Variants in CACTIN observed in about 807,000 individuals in gnomAD.
CACTIN encodes the protein cactin, spliceosome C complex subunit.
In CACTIN, 20 loss-of-function variants were observed where a neutral mutation model predicts 84.9. The ratio of observed to expected loss-of-function variants is 0.24; its 90% CI spans 0.17 to 0.34. The LOEUF is 0.34. CACTIN is among the 10% of genes least tolerant of loss of function. The pLI, the probability that CACTIN is intolerant of heterozygous loss-of-function variation, is 1.00. For missense variants in CACTIN, 897 were observed against 1,117.2 expected (o/e 0.80, Z 2.81); for synonymous variants, 549 against 467.9 (o/e 1.17, Z -2.24).
In CACTIN at chr19:3,620,038, G is replaced by A; in HGVS notation, c.884+89C>T. On this transcript the variant is annotated intron_variant, in intron 4 of 9. Transcript: ENST00000429344. The stretch of plus-strand genomic sequence containing the variant: ...GGAAGTGCCGTGTGGGACCCTGAAG[G>A]GTGGGAGAGCAGTGGCTTCCAGAGT... 2.0e-6 allele frequency: 3 copies of A among 1,490,886 alleles called. No individual in the cohort carries two copies. The Admixed American group carries it at 5.4e-5, about 27-fold the overall frequency. The allele number at this position is 1,490,886 out of a possible 1,614,324, so 92.4% of individuals were successfully genotyped here.
Position 3,613,179 on chromosome 19 carries a change from G to A in CACTIN, c.1665C>T (p.Asp555=), listed in dbSNP as rs550810513. The change falls in exon 9 of 10, where the codon GAC becomes GAT. Residue 555 remains aspartate, a synonymous_variant. Transcript: ENST00000429344. ...DLIQQSLDDY[D]AGRYSPRLLT... ...GCAGCCGCGGGCTGTACCTGCCGGC[G>A]TCGTAGTCGTCCAGGCTCTGCTGGA... 152 of 1,611,270 alleles carry A rather than the reference G, an allele frequency of 9.4e-5. 2 individuals are homozygous for A. In the South Asian group the frequency reaches 1.4e-3, roughly 15 times the overall value.
At position 3,611,672 on chromosome 19, in the gene CACTIN, G is replaced by A. The variant is rs1354590703; in HGVS notation, c.*251C>T. On this transcript the variant is annotated 3_prime_UTR_variant, in exon 10 of 10. Coordinates refer to ENST00000429344, the MANE Select transcript of CACTIN (RefSeq NM_001080543.2). The stretch of plus-strand genomic sequence containing the variant: ...CTCGTGCTCGAAAGATGCCCCTAGC[G>A]CCCCCTCCGTTGCATCAGGACCCTA... 2.8e-5 allele frequency: 15 copies of A among 543,748 alleles called. No homozygotes were observed. The highest frequency in any genetic ancestry group is 2.8e-4 in the Middle Eastern group (1 of 3,592). The allele number at this position is 543,748 out of a possible 1,614,324, so 33.7% of individuals were successfully genotyped here. A position where few individuals can be genotyped will look rare whatever the true frequency, so the allele number is the denominator to read the frequency against.
rs1166951018 is a variant in CACTIN, at chr19:3,620,025, T to G, written c.884+102A>C. 7.1e-6 allele frequency: 10 copies of G among 1,405,484 alleles called. No individual in the cohort carries two copies. The African/African-American group carries it at 9.9e-5, about 14-fold the overall frequency. 87.1% of individuals were successfully genotyped at this position (1,405,484 alleles called of 1,614,324 possible). A position where few individuals can be genotyped will look rare whatever the true frequency, so the allele number is the denominator to read the frequency against. ...AGGGAAGGTCCCAGGAAGTGCCGTG[T>G]GGGACCCTGAAGGGTGGGAGAGCAG... On this transcript the variant is annotated intron_variant, in intron 4 of 9. Transcript: ENST00000429344.
At chr19:3,624,265 T>C (rs1355635379) in intron 1 of CACTIN, 103 bp from the exon 2 acceptor site, 6 of 1,103,294 alleles carry the variant, frequency 5.4e-6, no homozygotes, top group Non-Finnish European at 7.8e-6. Flanking sequence ...TTCTAGGTTC[T>C]GGGGACACAG....
Position 3,614,581 on chromosome 19 carries a change from G to A in CACTIN, c.1171C>T (p.Arg391Cys), listed in dbSNP as rs1324607016. The A allele has an allele frequency of 1.2e-6, 2 of 1,601,516 alleles. No individual in the cohort carries two copies. Among genetic ancestry groups the A allele is most frequent in the Non-Finnish European group, 1.7e-6 (2 of 1,174,582 alleles). ...EASGKGPGER[R>C]EGVNASVSSD... Reference sequence around the variant, plus strand: ...CTGACGGAGGCGTTGACCCCCTCGCGGCGCTCACCTGCAGCGGGGTGGGGG... The same window carrying A: ...CTGACGGAGGCGTTGACCCCCTCGCAGCGCTCACCTGCAGCGGGGTGGGGG... The change falls in exon 7 of 10, where the codon CGC becomes TGC. Residue 391 changes from arginine to cysteine, a missense_variant. Arg to Cys is a radical substitution (Grantham distance 180). Coordinates refer to ENST00000429344, the MANE Select transcript of CACTIN (RefSeq NM_001080543.2).
At chr19:3,612,932 CG>C in intron 9 of CACTIN, 125 bp downstream of exon 9, 1 of 1,176,144 alleles carries the variant, frequency 8.5e-7, no homozygotes, top group Non-Finnish European at 1.2e-6. Context: ...CTCAGAGACC[CG>C]GGGGAGAAGC....
At chr19:3,622,048 C>T (rs1262852109) in intron 2 of CACTIN, among the ~76,000 whole-genome samples, 5 of 152,150 alleles carry the variant, frequency 3.3e-5, no homozygotes, top group Non-Finnish European at 4.4e-5. Context: ...TGAACCCCTG[C>T]AGCTGTAATC....
rs143887722 is a variant in CACTIN, at chr19:3,619,848, C to T, written c.884+279G>A. ...CCAGGCGGATGGGGGTGCCACCCTCCTGGGTGGAGTGTGGGAGGGACAACT... is the reference window on the plus strand; with the variant it reads ...CCAGGCGGATGGGGGTGCCACCCTCTTGGGTGGAGTGTGGGAGGGACAACT... On this transcript the variant is annotated intron_variant, in intron 4 of 9. Transcript: ENST00000429344. 1.9e-3 allele frequency among the ~76,000 whole-genome samples: 288 copies of T among 152,182 alleles called. 1 individual carries two copies. The highest frequency in any genetic ancestry group is 6.6e-3 in the African/African-American group (274 of 41,528).
Position 3,612,361 on chromosome 19 carries a change from G to T in CACTIN, c.1839C>A (p.Gly613=). Residue 613 remains glycine, a synonymous_variant, in exon 10 of 10, where the codon GGC becomes GGA. Coordinates refer to ENST00000429344, the MANE Select transcript of CACTIN (RefSeq NM_001080543.2). ...EDIFFRRAKE[G]MGQDEAQFSV... ...TGAACTGCGCCTCGTCCTGGCCCAT[G>T]CCCTCCTTGGCCCGCCGGAAGAAGA... The T allele has an allele frequency of 6.2e-7, 1 of 1,607,396 alleles. No homozygotes were observed.
intron 6 of CACTIN, chr19:3,614,953 C>G (rs1213200231): frequency 1.1e-5 from 4 of 372,898 alleles, no homozygotes; most frequent in African/African-American, 8.4e-5. Context: ...CCTGGCCCAA[C>G]TCTGCCCTGG....
At position 3,612,031 on chromosome 19, in the gene CACTIN, G is replaced by A; in HGVS notation, c.2169C>T (p.Ile723=). The change falls in exon 10 of 10, where the codon ATC becomes ATT. Residue 723 remains isoleucine (I), a synonymous_variant. Transcript: ENST00000429344. ...GCGAGTATTCCCACTCGCGGTTGAC[G>A]ATCTTGAAAGCGATGTCCTCGTAGG... ...GPPYEDIAFK[I]VNREWEYSHR... is the part of the protein sequence containing the mutation. The A allele has an allele frequency of 6.2e-7, 1 of 1,613,764 alleles. No individual in the cohort carries two copies. The highest frequency in any genetic ancestry group is 8.5e-7 in the Non-Finnish European group (1 of 1,179,904).
At chr19:3,624,895 G>A (rs1456096329) in intron 1 of CACTIN, among the ~76,000 whole-genome samples, 2 of 151,984 alleles carry the variant, frequency 1.3e-5, no homozygotes, top group African/African-American at 4.8e-5. Flanking sequence ...TAGAGACAAG[G>A]TCTATATTTT....
intron 2 of CACTIN, among the ~76,000 whole-genome samples, chr19:3,621,430 C>T (rs1272502360): frequency 6.6e-6 from 1 of 152,238 alleles, no homozygotes; most frequent in East Asian, 1.9e-4. Context: ...CTTCCTCAGG[C>T]TCCCGGTGCC....
intron 3 of CACTIN, 159 bp from the exon 4 acceptor site, chr19:3,620,431 G>A (rs1211191857): frequency 1.1e-6 from 1 of 882,648 alleles, no homozygotes; most frequent in Non-Finnish European, 1.8e-6. Flanking sequence ...TGGGAAGGGA[G>A]AGGGCCCTCC....
chr19:3,622,537 G>A (rs4807492), intron 2 of CACTIN, among the ~76,000 whole-genome samples: 86,235 of 151,840 alleles, frequency 0.57, 24,768 homozygotes, highest in Admixed American at 0.62. Flanking sequence ...AAGGCAGACC[G>A]CCACACAACA....
chr19:3,619,756 C>A (rs1458288876), intron 4 of CACTIN, among the ~76,000 whole-genome samples: 3 of 152,132 alleles, frequency 2.0e-5, no homozygotes, highest in Non-Finnish European at 4.4e-5. Context: ...CTGGGAGGAG[C>A]CTGATGTCAC....
Position 3,620,239 on chromosome 19 carries a change from T to TCTCCCG in CACTIN, c.766_771dup (p.Arg256_Glu257dup), listed in dbSNP as rs2033194391. On this transcript the variant is annotated inframe_insertion, in exon 4 of 10. Transcript: ENST00000429344. ...TCCAGCTCCTGCTCGCGCATGGCCT[T>TCTCCCG]CTCCCGCTCCCGCTCCAGCCGCAGC... 6 of 1,590,682 alleles carry TCTCCCG rather than the reference T, an allele frequency of 3.8e-6. No homozygotes were observed. The highest frequency in any genetic ancestry group is 3.5e-5 in the Admixed American group (2 of 57,530).
At chr19:3,618,185 G>GC (rs2033146801) in intron 6 of CACTIN, among the ~76,000 whole-genome samples, 1 of 146,732 alleles carries the variant, frequency 6.8e-6, no homozygotes, top group Non-Finnish European at 1.5e-5. Context: ...ACCGGGGGGG[G>GC]GGGGGGTCTC....
In CACTIN at chr19:3,618,753, G is replaced by A. The variant is rs551440862; in HGVS notation, c.1162+122C>T. 120 of 769,084 alleles carry A rather than the reference G, an allele frequency of 1.6e-4. 2 individuals carry two copies. The African/African-American group carries it at 1.9e-3, about 12-fold the overall frequency. The allele number at this position is 769,084 out of a possible 1,614,324, so 47.6% of individuals were successfully genotyped here. On this transcript the variant is annotated intron_variant, in intron 6 of 9. Transcript: ENST00000429344. ...CTGGTGGCTCGGCCCAGAAGGGGAG[G>A]CCCCAGTTGGGGAAACCGAGGCCTG...
Sources: gnomAD v4.1 joint callset for allele counts (sites outside exome capture counted in the v4.1 genomes callset) on GRCh38, gnomAD v4.1.1 for gene constraint, MANE v1.5 for transcripts, NCBI Gene and HGNC (gene_info 2026-07-23, HGNC 2026-07-21) for gene names.